Variants in ROBO1 observed in about 807,000 individuals in gnomAD.
ROBO1 encodes the protein roundabout homolog 1.
ROBO1 carries 149 observed loss-of-function variants against 195.9 expected under a neutral mutation model. That is an observed-to-expected ratio of 0.76 (90% CI 0.67 to 0.87). ROBO1 has a LOEUF of 0.87. Among genes scored for constraint, ROBO1 ranks in the 40% least tolerant of loss-of-function variants. The pLI, the probability that ROBO1 is intolerant of heterozygous loss-of-function variation, is 0.00. For synonymous variants in ROBO1, 816 were observed against 733.2 expected (o/e 1.11, Z -1.82); for missense variants, 1,933 against 2,068.3 (o/e 0.93, Z 1.27).
intron 2 of ROBO1, among the ~76,000 whole-genome samples, chr3:79,200,374 A>G (rs1315077776): frequency 6.6e-6 from 1 of 151,758 alleles, no homozygotes; most frequent in East Asian, 1.9e-4. Context: ...TTAGCTATTG[A>G]TAGAAAACAG....
chr3:79,129,803 T>C (rs907492896), intron 2 of ROBO1, among the ~76,000 whole-genome samples: 3 of 152,002 alleles, frequency 2.0e-5, no homozygotes, highest in African/African-American at 7.3e-5. Context: ...CTAGGGTTTT[T>C]ATGGTTTTAG....
At chr3:78,869,891 T>C (rs1164834968) in intron 4 of ROBO1, among the ~76,000 whole-genome samples, 1 of 152,198 alleles carries the variant, frequency 6.6e-6, no homozygotes, top group Non-Finnish European at 1.5e-5. Context: ...TGACACATAG[T>C]AAGCACTAGA....
chr3:78,979,238 G>T (rs1054708082), intron 3 of ROBO1, among the ~76,000 whole-genome samples: 1 of 152,132 alleles, frequency 6.6e-6, no homozygotes, highest in Non-Finnish European at 1.5e-5. Context: ...TGGTCACTGA[G>T]ATTAGGTCAA....
In ROBO1 at chr3:78,635,889, T is replaced by A. The variant is rs1318798729; in HGVS notation, c.3257A>T (p.Asn1086Ile). The change falls in exon 23 of 31, where the codon AAC becomes ATC. Residue 1086 changes from asparagine (N) to isoleucine (I), a missense_variant. Physicochemically the swap from Asn to Ile is moderately radical, Grantham distance 149. Coordinates refer to ENST00000464233, the MANE Select transcript of ROBO1 (RefSeq NM_002941.4). ...TQLIQSNLSN[N>I]MNNGSGDSGE... ...AGAGTCCCCGCTGCCATTGTTCATG[T>A]TGTTGCTGAGGTTTGACTGGATGAG... The A allele has an allele frequency of 6.2e-7, 1 of 1,613,886 alleles. No individual in the cohort carries two copies. The highest frequency in any genetic ancestry group is 8.5e-7 in the Non-Finnish European group (1 of 1,179,844).
chr3:78,644,040 T>C (rs892683606), intron 21 of ROBO1, among the ~76,000 whole-genome samples: 1 of 151,954 alleles, frequency 6.6e-6, no homozygotes, highest in Admixed American at 6.6e-5. Flanking sequence ...GGGAAACCAG[T>C]GCTTAAGGGG....
intron 1 of ROBO1, among the ~76,000 whole-genome samples, chr3:79,699,747 T>C (rs891506284): frequency 5.9e-5 from 9 of 151,590 alleles, no homozygotes; most frequent in Non-Finnish European, 1.2e-4. Flanking sequence ...TTCTGGCCAA[T>C]AAGATATGAG....
At chr3:79,323,842 T>G (rs1480436495) in intron 2 of ROBO1, among the ~76,000 whole-genome samples, 1 of 152,152 alleles carries the variant, frequency 6.6e-6, no homozygotes, top group African/African-American at 2.4e-5. Context: ...AAGTTGCAAA[T>G]TACGCATTTT....
chr3:79,081,999 G>A (rs543172691), intron 3 of ROBO1, among the ~76,000 whole-genome samples: 1 of 152,142 alleles, frequency 6.6e-6, no homozygotes, highest in Admixed American at 6.6e-5. Context: ...ATGTTTTGGT[G>A]AAATGGCAAT....
intron 2 of ROBO1, among the ~76,000 whole-genome samples, chr3:79,309,517 A>T (rs1576956072): frequency 6.6e-6 from 1 of 152,154 alleles, no homozygotes; most frequent in Non-Finnish European, 1.5e-5. Context: ...AAGTGTGAGG[A>T]TCATTTTTAG....
chr3:79,684,473 G>T (rs1464268896), intron 1 of ROBO1, among the ~76,000 whole-genome samples: 1 of 151,766 alleles, frequency 6.6e-6, no homozygotes, highest in East Asian at 1.9e-4. Context: ...TTTTACAGGT[G>T]GTTTCCTTTT....
intron 4 of ROBO1, among the ~76,000 whole-genome samples, chr3:78,817,300 G>A (rs1191412183): frequency 6.6e-6 from 1 of 152,138 alleles, no homozygotes; most frequent in African/African-American, 2.4e-5. Flanking sequence ...TTGAGATTAA[G>A]ATGATTGTTT....
chr3:79,349,060 T>C (rs1374742377), intron 2 of ROBO1, among the ~76,000 whole-genome samples: 1 of 152,200 alleles, frequency 6.6e-6, no homozygotes, highest in Admixed American at 6.5e-5. Flanking sequence ...TAGGGTTTTG[T>C]ACTGTGAGGA....
At chr3:78,972,186 G>T (rs1254844793) in intron 3 of ROBO1, among the ~76,000 whole-genome samples, 3 of 152,210 alleles carry the variant, frequency 2.0e-5, no homozygotes, top group Non-Finnish European at 4.4e-5. Flanking sequence ...AGTCCACAGT[G>T]TAATTTTATA....
At chr3:78,673,007 A>G (rs1708155131) in intron 10 of ROBO1, among the ~76,000 whole-genome samples, 1 of 152,210 alleles carries the variant, frequency 6.6e-6, no homozygotes, top group South Asian at 2.1e-4. Flanking sequence ...GTGACTACTG[A>G]ACATGTAAGT....
In ROBO1 at chr3:78,617,931, T is replaced by C. The variant is rs372766609; in HGVS notation, c.3986A>G (p.Glu1329Gly). ...VSDMDTDAPE[E>G]EEDEADMEVA... is the part of the protein sequence containing the mutation. ...CTCCATGTCGGCTTCGTCTTCTTCC[T>C]CTTCTGGCGCATCCGTATCCATATC... The change falls in exon 27 of 31, where the codon GAG (glutamate) becomes GGG (glycine). Residue 1329 changes from glutamate (E) to glycine (G), a missense_variant. Coordinates refer to ENST00000464233, the MANE Select transcript of ROBO1 (RefSeq NM_002941.4). 9 of 1,613,888 alleles carry C rather than the reference T, an allele frequency of 5.6e-6. No individual in the cohort carries two copies. The highest frequency in any genetic ancestry group is 7.6e-6 in the Non-Finnish European group (9 of 1,179,902).
intron 3 of ROBO1, among the ~76,000 whole-genome samples, chr3:79,048,690 T>G (rs367715830): frequency 6.6e-6 from 1 of 152,100 alleles, no homozygotes; most frequent in Non-Finnish European, 1.5e-5. Flanking sequence ...TGTCACACTA[T>G]GATGATGATG....
chr3:79,399,915 T>C (rs931053282), intron 2 of ROBO1, among the ~76,000 whole-genome samples: 2 of 152,098 alleles, frequency 1.3e-5, no homozygotes, highest in African/African-American at 4.8e-5. Context: ...GATCCAAAAA[T>C]GACATTAAAG....
At chr3:79,088,798 T>C (rs2079423452) in intron 3 of ROBO1, among the ~76,000 whole-genome samples, 1 of 152,088 alleles carries the variant, frequency 6.6e-6, no homozygotes, top group Non-Finnish European at 1.5e-5. Flanking sequence ...ATGCTTATGA[T>C]AGGAAACTAT....
In ROBO1 at chr3:78,598,873, A is replaced by G; in HGVS notation, c.*40T>C. The G allele has an allele frequency of 6.8e-7, 1 of 1,460,958 alleles. No individual in the cohort carries two copies. Among genetic ancestry groups the G allele is most frequent in the Non-Finnish European group, 9.4e-7 (1 of 1,068,444 alleles). 90.5% of individuals were successfully genotyped at this position (1,460,958 alleles called of 1,614,324 possible). A position where few individuals can be genotyped will look rare whatever the true frequency, so the allele number is the denominator to read the frequency against. Reference sequence around the variant, plus strand: ...CATCTGACAGGAGGCATCTTGAGTGATGATTTTCACATTAGATCTCATAAG... The same window carrying G: ...CATCTGACAGGAGGCATCTTGAGTGGTGATTTTCACATTAGATCTCATAAG... On this transcript the variant is annotated 3_prime_UTR_variant, in exon 31 of 31. Transcript: ENST00000464233.
Sources: gnomAD v4.1 joint callset for allele counts (sites outside exome capture counted in the v4.1 genomes callset) on GRCh38, gnomAD v4.1.1 for gene constraint, MANE v1.5 for transcripts, NCBI Gene and HGNC (gene_info 2026-07-23, HGNC 2026-07-21) for gene names.